DEAF1: variants seen among roughly 807,000 people sequenced by gnomAD.
DEAF1 encodes DEAF1 transcription factor, also known as deformed epidermal autoregulatory factor 1 homolog.
In DEAF1, 53 loss-of-function variants were observed where a neutral mutation model predicts 58.9. That is an observed-to-expected ratio of 0.90 (90% CI 0.72 to 1.13). The LOEUF is 1.13. DEAF1 is among the 50% of genes most tolerant of loss of function. DEAF1 has a pLI of 0.00. For missense variants in DEAF1, 685 were observed against 791.4 expected (o/e 0.87, Z 1.61); for synonymous variants, 385 against 340.4 (o/e 1.13, Z -1.44).
Position 688,156 on chromosome 11 carries a change from C to T in DEAF1, c.518-99G>A. ...ACCTCCCCGGCAGCGCCACCTCCTT[C>T]AACGGCGGAAAAACTTCTTGGTCAG... On this transcript the variant is annotated intron_variant, in intron 3 of 11. Coordinates refer to ENST00000382409, the MANE Select transcript of DEAF1 (RefSeq NM_021008.4). This position sits in a 1 kb window ranked among gnomAD's most constrained non-coding sequence, Gnocchi z 4.3. 1 of 1,567,612 alleles carries T rather than the reference C, an allele frequency of 6.4e-7. No homozygotes were observed. Among genetic ancestry groups the T allele is most frequent in the East Asian group, 2.3e-5 (1 of 44,010 alleles).
chr11:690,976 T>TA (rs1798875763), intron 2 of DEAF1, among the ~76,000 whole-genome samples: 1 of 152,110 alleles, frequency 6.6e-6, no homozygotes, highest in Non-Finnish European at 1.5e-5. Context: ...AAACATAAAA[T>TA]AAGCTGATAA....
chr11:657,687 C>A (rs1320313968), intron 10 of DEAF1, among the ~76,000 whole-genome samples: 1 of 152,086 alleles, frequency 6.6e-6, no homozygotes, highest in Non-Finnish European at 1.5e-5. Flanking sequence ...ATGTCAGGGA[C>A]GCCACAGTGG....
Position 644,628 on chromosome 11 carries a change from G to A in DEAF1, c.1620C>T (p.Cys540=), listed in dbSNP as rs145256931. ...GGACGGTGACAGCTGCTGACTGGCC[G>A]CATATGTGCTGGTGATCCTTCCAGT... ...RKDWKDHQHI[C]GQSAAVTVQA... Residue 540 remains cysteine, a synonymous_variant, in exon 12 of 12, where the codon TGC becomes TGT. Transcript: ENST00000382409. The surrounding 1 kb of genome is among the most constrained non-coding windows in gnomAD (Gnocchi z 4.3). The A allele has an allele frequency of 7.9e-5, 128 of 1,611,836 alleles. No homozygotes were observed. The highest frequency in any genetic ancestry group is 1.2e-4 in the Admixed American group (7 of 59,900).
At chr11:686,654 G>C (rs745971172) in intron 5 of DEAF1, among the ~76,000 whole-genome samples, 2 of 152,164 alleles carry the variant, frequency 1.3e-5, no homozygotes, top group Non-Finnish European at 2.9e-5. Context: ...ACAGGGTCAC[G>C]ATCATCGTCA....
At chr11:700,540 A>T in intron 1 of DEAF1, 9 of 1,193,908 alleles carry the variant, frequency 7.5e-6, no homozygotes, top group Non-Finnish European at 1.1e-5. Context: ...AAAAAAAAAA[A>T]GGAAAAGGCA....
At chr11:652,383 A>G (rs933189539) in intron 11 of DEAF1, among the ~76,000 whole-genome samples, 2 of 152,204 alleles carry the variant, frequency 1.3e-5, no homozygotes, top group African/African-American at 2.4e-5. Context: ...CACACTTGCA[A>G]TCCCAGCAAT....
rs2133438836 is a variant in DEAF1 at position 694,924 on chromosome 11, G to A, written c.124C>T (p.Leu42=). 2.2e-6 allele frequency: 3 copies of A among 1,350,570 alleles called. No homozygotes were observed. The highest frequency in any genetic ancestry group is 2.9e-6 in the Non-Finnish European group (3 of 1,046,788). The allele number at this position is 1,350,570 out of a possible 1,614,324, so 83.7% of individuals were successfully genotyped here. ...AAGGEAEEPV[L]SRDEDSEEDA... ...TCCTCCGAGTCCTCGTCCCTGCTCA[G>A]CACCGGCTCCTCCGCCTCGCCTCCT... is the stretch of plus-strand genomic sequence containing the variant. Residue 42 remains leucine, a synonymous_variant, in exon 1 of 12, where the codon CTG becomes TTG. Transcript: ENST00000382409.
chr11:652,054 A>AATAT (rs1220055711), intron 11 of DEAF1, among the ~76,000 whole-genome samples: 1 of 152,220 alleles, frequency 6.6e-6, no homozygotes, highest in East Asian at 1.9e-4. Flanking sequence ...AACAGAGCAG[A>AATAT]ATATACAAGC....
intron 7 of DEAF1, 143 bp downstream of exon 7, chr11:680,820 G>A: frequency 8.1e-7 from 1 of 1,237,236 alleles, no homozygotes; most frequent in African/African-American, 1.5e-5. Context: ...CACTGCAAAG[G>A]AGTGTGATGG....
At chr11:692,674 G>C (rs1860883858) in intron 1 of DEAF1, among the ~76,000 whole-genome samples, 1 of 152,042 alleles carries the variant, frequency 6.6e-6, no homozygotes, top group African/African-American at 2.4e-5. Flanking sequence ...CCAACATAGA[G>C]AAACCCCATC....
At chr11:703,860 G>A (rs1028833407) in intron 1 of DEAF1, 31 of 1,236,224 alleles carry the variant, frequency 2.5e-5, no homozygotes, top group East Asian at 9.5e-5. Context: ...AGAGAGCAGC[G>A]GAGGGCCACA....
chr11:682,419 A>T (rs1417816391), intron 6 of DEAF1, among the ~76,000 whole-genome samples: 2 of 152,166 alleles, frequency 1.3e-5, no homozygotes, highest in Admixed American at 1.3e-4. Context: ...TTCTTGCTCT[A>T]ATGGAACTGC....
intron 6 of DEAF1, among the ~76,000 whole-genome samples, chr11:681,662 G>A (rs554337107): frequency 5.9e-5 from 9 of 151,930 alleles, no homozygotes; most frequent in African/African-American, 1.7e-4. Context: ...TGCCCACCTC[G>A]GCCTCCCAAA....
At chr11:684,309 G>A (rs987946595) in intron 6 of DEAF1, among the ~76,000 whole-genome samples, 7 of 152,048 alleles carry the variant, frequency 4.6e-5, no homozygotes, top group African/African-American at 9.7e-5. Context: ...TCCCAGCTAC[G>A]CGGGAAGCTG....
At chr11:700,327 G>GA in intron 1 of DEAF1, 1 of 1,190,066 alleles carries the variant, frequency 8.4e-7, no homozygotes, top group Non-Finnish European at 1.2e-6. Context: ...AGGAGTTTGA[G>GA]ACCAGCCAGG....
chr11:700,078 G>T (rs1861373895), upstream of DEAF1: 5 of 1,425,714 alleles, frequency 3.5e-6, no homozygotes, highest in Admixed American at 1.7e-5. Context: ...AGCCCCTCTT[G>T]TTCAGCCACC....
chr11:690,980 CTG>C (rs1860807768), intron 2 of DEAF1, among the ~76,000 whole-genome samples: 1 of 152,208 alleles, frequency 6.6e-6, no homozygotes, highest in Non-Finnish European at 1.5e-5. Context: ...ATAAAATAAG[CTG>C]ATAAAACATG....
chr11:659,760 G>A (rs888136496), intron 10 of DEAF1, among the ~76,000 whole-genome samples: 1 of 152,216 alleles, frequency 6.6e-6, no homozygotes, highest in African/African-American at 2.4e-5. Flanking sequence ...GTGAGTTCAG[G>A]TGAAGCAGCC....
chr11:680,883 T>G, intron 7 of DEAF1, 80 bp downstream of exon 7: 1 of 1,589,218 alleles, frequency 6.3e-7, no homozygotes, highest in Non-Finnish European at 8.6e-7. Flanking sequence ...AATCCCGCAG[T>G]GGCCGTGGGA....
Sources: gnomAD v4.1 joint callset for allele counts (sites outside exome capture counted in the v4.1 genomes callset) on GRCh38, gnomAD v4.1.1 for gene constraint, Gnocchi (gnomAD v3.1) non-coding constraint, MANE v1.5 for transcripts, NCBI Gene and HGNC (gene_info 2026-07-23, HGNC 2026-07-21) for gene names.